The following NAALAD2 variants were observed in gnomAD, a reference collection of about 807,000 sequenced individuals.
NAALAD2 encodes N-acetylated alpha-linked acidic dipeptidase 2, also known as N-acetylated-alpha-linked acidic dipeptidase 2.
In NAALAD2, 89 loss-of-function variants were observed where a neutral mutation model predicts 95.6. The ratio of observed to expected loss-of-function variants is 0.93; its 90% confidence interval spans 0.78 to 1.11. The LOEUF is 1.11. NAALAD2 is among the 50% of genes least tolerant of loss of function. The pLI is 0.00. For missense variants in NAALAD2, 894 were observed against 872.4 expected (o/e 1.02, Z -0.31); for synonymous variants, 264 against 294.4 (o/e 0.90, Z 1.06).
chr11:90,171,156 TCTA>T (rs936296152), intron 13 of NAALAD2, among the ~76,000 whole-genome samples: 2 of 152,212 alleles, frequency 1.3e-5, no homozygotes, highest in African/African-American at 4.8e-5. Context: ...ACTTATATAA[TCTA>T]CTCATTTAAT....
Position 90,163,532 on chromosome 11 carries a change from C to G in NAALAD2, c.1196-3C>G, listed in dbSNP as rs1952355066. On this transcript the variant is annotated splice_region_variant and splice_polypyrimidine_tract_variant and intron_variant, in intron 10 of 18. Transcript: ENST00000534061. Reference sequence around the variant, plus strand: ...TAACCACGTGTGTTAACAATTCTTACAGGCTGGAGACCTAGAAGAACTATC... The same window carrying G: ...TAACCACGTGTGTTAACAATTCTTAGAGGCTGGAGACCTAGAAGAACTATC... The G allele has an allele frequency of 6.2e-7, 1 of 1,613,654 alleles. No individual in the cohort carries two copies. Among genetic ancestry groups the G allele is most frequent in the Non-Finnish European group, 8.5e-7 (1 of 1,179,856 alleles).
chr11:90,137,727 C>CT (rs1409039048), intron 2 of NAALAD2, among the ~76,000 whole-genome samples: 5 of 152,180 alleles, frequency 3.3e-5, no homozygotes, highest in Non-Finnish European at 7.3e-5. Flanking sequence ...CCTCAGCCTC[C>CT]TGAGTAGCTG....
At chr11:90,176,167 G>A in intron 15 of NAALAD2, 105 bp downstream of exon 15, 1 of 770,260 alleles carries the variant, frequency 1.3e-6, no homozygotes, top group South Asian at 1.7e-5. Context: ...ATGTGGCCTG[G>A]GAAGAGTTCC....
At chr11:90,186,134 G>A (rs1394217522) in intron 18 of NAALAD2, among the ~76,000 whole-genome samples, 2 of 151,676 alleles carry the variant, frequency 1.3e-5, no homozygotes, top group African/African-American at 4.8e-5. Flanking sequence ...CCACTAACTC[G>A]TCATCTAGCA....
chr11:90,173,460 G>A (rs1952700138), intron 13 of NAALAD2, among the ~76,000 whole-genome samples: 1 of 152,100 alleles, frequency 6.6e-6, no homozygotes, highest in Non-Finnish European at 1.5e-5. Flanking sequence ...TTTATCTGAA[G>A]TTTTCTCCAG....
intron 2 of NAALAD2, among the ~76,000 whole-genome samples, chr11:90,141,688 G>A (rs11018873): frequency 0.038 from 5,847 of 152,074 alleles, 158 homozygotes; most frequent in Non-Finnish European, 0.059. Context: ...GGAGTTAAGC[G>A]ATCCTCCCAC....
intron 2 of NAALAD2, among the ~76,000 whole-genome samples, chr11:90,145,815 G>C (rs1951738416): frequency 1.3e-5 from 2 of 152,120 alleles, no homozygotes; most frequent in Non-Finnish European, 2.9e-5. Flanking sequence ...ATCATTTTAT[G>C]AGAAAAATAA....
chr11:90,191,553 T>A lies in NAALAD2; in HGVS notation c.2034-5T>A, dbSNP rs376833574. On this transcript the variant is annotated splice_polypyrimidine_tract_variant and splice_region_variant and intron_variant, in intron 18 of 18. Transcript: ENST00000534061. ...GTTCAATTTGCCTTGTTTTCTTCCTTTTAGGCACATCATATTTGCTCCAAG... is the reference window on the plus strand; with the variant it reads ...GTTCAATTTGCCTTGTTTTCTTCCTATTAGGCACATCATATTTGCTCCAAG... 1.3e-6 allele frequency: 2 copies of A among 1,567,970 alleles called. No homozygotes were observed. The highest frequency in any genetic ancestry group is 1.7e-6 in the Non-Finnish European group (2 of 1,158,858).
chr11:90,182,613 C>T (rs1479676342), intron 17 of NAALAD2, among the ~76,000 whole-genome samples: 1 of 144,848 alleles, frequency 6.9e-6, no homozygotes, highest in Non-Finnish European at 1.5e-5. Context: ...GTCTGCCTTT[C>T]CAGGAGGCCT....
chr11:90,183,653 C>G (rs1857033332), intron 18 of NAALAD2, among the ~76,000 whole-genome samples: 2 of 152,092 alleles, frequency 1.3e-5, no homozygotes, highest in African/African-American at 2.4e-5. Context: ...CATGCAACCA[C>G]TCTGGTTTTC....
intron 2 of NAALAD2, among the ~76,000 whole-genome samples, chr11:90,140,240 T>C (rs1304917747): frequency 6.6e-6 from 1 of 152,176 alleles, no homozygotes; most frequent in East Asian, 1.9e-4. Flanking sequence ...GTACACAATG[T>C]ATTACAGTTA....
intron 18 of NAALAD2, among the ~76,000 whole-genome samples, chr11:90,186,529 T>G (rs975862111): frequency 2.6e-5 from 4 of 151,600 alleles, no homozygotes; most frequent in African/African-American, 9.8e-5. Flanking sequence ...TATAGTCCTT[T>G]GGGTATATAC....
intron 11 of NAALAD2, among the ~76,000 whole-genome samples, chr11:90,167,177 T>G (rs534453568): frequency 0.01 from 1,566 of 152,190 alleles, 26 homozygotes; most frequent in African/African-American, 0.036. Flanking sequence ...CTCAGCTTGC[T>G]GGGAGCTGTG....
At chr11:90,156,107 A>T (rs1192138565) in intron 6 of NAALAD2, among the ~76,000 whole-genome samples, 2 of 151,714 alleles carry the variant, frequency 1.3e-5, no homozygotes, top group Admixed American at 6.6e-5. Context: ...GATGTTAGCA[A>T]TTTAGTCATT....
At chr11:90,145,526 C>T (rs1411685471) in intron 2 of NAALAD2, among the ~76,000 whole-genome samples, 2 of 152,094 alleles carry the variant, frequency 1.3e-5, no homozygotes, top group African/African-American at 4.8e-5. Flanking sequence ...TATTCCTATA[C>T]ATATAAAATA....
chr11:90,175,953 G>GTGTGT lies in NAALAD2; in HGVS notation c.1503-19_1503-18insTGTGT, dbSNP rs760379208. On this transcript the variant is annotated intron_variant, in intron 14 of 18. Transcript: ENST00000534061. Reference sequence around the variant, plus strand: ...ATGTGTGTGTGTGTGTGTGTGTGTGGATTGCATTCTACATCTAGAATCAAT... The same window carrying GTGTGT: ...ATGTGTGTGTGTGTGTGTGTGTGTGGTGTGTATTGCATTCTACATCTAGAATCAAT... The GTGTGT allele has an allele frequency of 3.0e-5, 31 of 1,033,490 alleles. No individual in the cohort carries two copies. Among genetic ancestry groups the GTGTGT allele is most frequent in the African/African-American group, 4.1e-5 (2 of 49,246 alleles). 64.0% of individuals were successfully genotyped at this position (1,033,490 alleles called of 1,614,324 possible).
chr11:90,159,116 C>G, intron 7 of NAALAD2, 123 bp from the exon 8 acceptor site: 1 of 766,314 alleles, frequency 1.3e-6, no homozygotes. Flanking sequence ...TTGACAGTAC[C>G]TGGCACTTAG....
intron 13 of NAALAD2, among the ~76,000 whole-genome samples, chr11:90,171,322 T>C (rs1029394502): frequency 6.6e-6 from 1 of 152,198 alleles, no homozygotes; most frequent in African/African-American, 2.4e-5. Flanking sequence ...CCTCTCTTTT[T>C]CATGTCTTTA....
In NAALAD2 at chr11:90,191,793, G is replaced by A. The variant is rs546060790; in HGVS notation, c.*46G>A. ...ATTAAAGGTGTTGCTAAAAGTCTGA[G>A]GATAAAATTCACCTTTCTGATAACT... On this transcript the variant is annotated 3_prime_UTR_variant, in exon 19 of 19. Transcript: ENST00000534061. The A allele has an allele frequency of 1.4e-6, 2 of 1,383,566 alleles. No individual in the cohort carries two copies. The highest frequency in any genetic ancestry group is 2.7e-5 in the Admixed American group (1 of 37,258). The allele number at this position is 1,383,566 out of a possible 1,614,324, so 85.7% of individuals were successfully genotyped here.
Sources: allele counts gnomAD v4.1 joint callset (sites outside exome capture counted in the v4.1 genomes callset), GRCh38; gene constraint gnomAD v4.1.1; transcripts MANE v1.5; gene names NCBI Gene and HGNC (gene_info 2026-07-23, HGNC 2026-07-21).